The following SPAG16 variants were observed in gnomAD, a reference collection of about 807,000 sequenced individuals.
SPAG16 encodes sperm associated antigen 16.
A neutral mutation model predicts 80.4 loss-of-function variants in SPAG16; 86 were observed. The ratio of observed to expected loss-of-function variants is 1.07; its 90% CI spans 0.90 to 1.28. The LOEUF (loss-of-function observed/expected upper bound fraction) is 1.28. Ranked by LOEUF, SPAG16 falls within the 50% of genes most tolerant of loss-of-function variation. SPAG16 has a pLI of 0.00. For missense variants in SPAG16, 870 were observed against 765.3 expected, an observed-to-expected ratio of 1.14 and a Z score of -1.61; for synonymous variants, 294 against 265.9, an observed-to-expected ratio of 1.11 and a Z score of -1.03.
chr2:213,313,472 A>G (rs2063284094), intron 4 of SPAG16, among the ~76,000 whole-genome samples: 1 of 151,666 alleles, frequency 6.6e-6, no homozygotes, highest in Non-Finnish European at 1.5e-5. Flanking sequence ...TTTCTATTTT[A>G]CGGGTAAGGA....
intron 10 of SPAG16, among the ~76,000 whole-genome samples, chr2:213,775,209 C>T (rs1006465647): frequency 6.6e-6 from 1 of 152,222 alleles, no homozygotes; most frequent in South Asian, 2.1e-4. Flanking sequence ...TTCTTTGCAT[C>T]CTCAGTTCTT....
chr2:214,236,272 A>T (rs1476825249), intron 15 of SPAG16, among the ~76,000 whole-genome samples: 1 of 152,204 alleles, frequency 6.6e-6, no homozygotes, highest in Non-Finnish European at 1.5e-5. Flanking sequence ...AAGCTGCTCA[A>T]GTTTAACACA....
chr2:213,692,000 G>A (rs138580390), intron 10 of SPAG16, among the ~76,000 whole-genome samples: 125 of 152,126 alleles, frequency 8.2e-4, no homozygotes, highest in Middle Eastern at 3.4e-3. Context: ...AAGCCAAAAT[G>A]ATAAATTAAG....
chr2:213,904,703 G>A (rs2077365949), intron 11 of SPAG16, among the ~76,000 whole-genome samples: 1 of 151,784 alleles, frequency 6.6e-6, no homozygotes, highest in Admixed American at 6.6e-5. Context: ...TTTCTGTAAA[G>A]GTCTAAATGA....
intron 11 of SPAG16, among the ~76,000 whole-genome samples, chr2:213,918,220 C>G (rs1168073880): frequency 1.3e-5 from 2 of 152,038 alleles, no homozygotes; most frequent in African/African-American, 4.8e-5. Flanking sequence ...AGATATTGGC[C>G]TGAAATTTTA....
intron 10 of SPAG16, among the ~76,000 whole-genome samples, chr2:213,813,351 C>T (rs1227084996): frequency 3.3e-5 from 5 of 152,016 alleles, no homozygotes; most frequent in Admixed American, 1.3e-4. Flanking sequence ...GAATAGAATC[C>T]CTAGGAGTAC....
At chr2:214,229,639 A>T (rs1201376800) in intron 15 of SPAG16, among the ~76,000 whole-genome samples, 2 of 151,774 alleles carry the variant, frequency 1.3e-5, no homozygotes, top group African/African-American at 4.8e-5. Flanking sequence ...TCAGTTTATT[A>T]AAAAACTATA....
At chr2:213,296,442 C>G (rs1046444106) in intron 2 of SPAG16, among the ~76,000 whole-genome samples, 3 of 152,176 alleles carry the variant, frequency 2.0e-5, no homozygotes, top group African/African-American at 7.2e-5. Flanking sequence ...CTGCTCTTGT[C>G]AAGGATTCCT....
chr2:213,557,430 T>C lies in SPAG16; in HGVS notation c.1070+67340T>C, dbSNP rs544720720. On this transcript the variant is annotated intron_variant, in intron 10 of 15. Transcript: ENST00000331683. Reference sequence around the variant, plus strand: ...ACTACATTTTCATGATGGATAATTATATCTAATTATAATTATATGTGTATA... The same window carrying C: ...ACTACATTTTCATGATGGATAATTACATCTAATTATAATTATATGTGTATA... 2.6e-4 allele frequency among the ~76,000 whole-genome samples: 39 copies of C among 152,124 alleles called. 1 individual carries two copies. The South Asian group carries it at 8.1e-3, about 32-fold the overall frequency.
intron 12 of SPAG16, among the ~76,000 whole-genome samples, chr2:213,984,081 C>A (rs78767391): frequency 0.02 from 3,035 of 152,082 alleles, 107 homozygotes; most frequent in African/African-American, 0.069. Flanking sequence ...TTCCCAATGG[C>A]AAATTGAATG....
intron 10 of SPAG16, among the ~76,000 whole-genome samples, chr2:213,516,691 C>A (rs575336164): frequency 1.8e-4 from 27 of 152,114 alleles, no homozygotes; most frequent in African/African-American, 6.0e-4. Context: ...ATGCAATAAC[C>A]ACATAAGGGG....
intron 10 of SPAG16, among the ~76,000 whole-genome samples, chr2:213,762,063 T>C (rs1575066554): frequency 6.6e-6 from 1 of 152,128 alleles, no homozygotes; most frequent in East Asian, 1.9e-4. Flanking sequence ...AGTCGATCAA[T>C]GAAATACACC....
chr2:214,153,169 G>T (rs887643913), intron 15 of SPAG16, among the ~76,000 whole-genome samples: 1 of 152,004 alleles, frequency 6.6e-6, no homozygotes. Flanking sequence ...GCTAGACCAC[G>T]GTCCGCCTGG....
At chr2:214,366,327 A>C (rs1424337158) in intron 15 of SPAG16, among the ~76,000 whole-genome samples, 1 of 152,136 alleles carries the variant, frequency 6.6e-6, no homozygotes, top group African/African-American at 2.4e-5. Context: ...TGCATGACTG[A>C]TACTGTGACT....
At chr2:213,308,972 GA>G (rs2063070932) in intron 3 of SPAG16, among the ~76,000 whole-genome samples, 1 of 152,106 alleles carries the variant, frequency 6.6e-6, no homozygotes, top group African/African-American at 2.4e-5. Context: ...TTATAAACAT[GA>G]AATTCATTTA....
intron 15 of SPAG16, among the ~76,000 whole-genome samples, chr2:214,187,129 G>A (rs1383751988): frequency 6.6e-6 from 1 of 152,028 alleles, no homozygotes; most frequent in Non-Finnish European, 1.5e-5. Context: ...AACCACTATG[G>A]TAGGACACTA....
intron 13 of SPAG16, among the ~76,000 whole-genome samples, chr2:214,039,157 C>G (rs2048870930): frequency 6.6e-6 from 1 of 152,148 alleles, no homozygotes; most frequent in Admixed American, 6.5e-5. Context: ...ACAGTCCCAC[C>G]AACAGTGTAA....
intron 10 of SPAG16, among the ~76,000 whole-genome samples, chr2:213,714,205 G>A (rs942850407): frequency 6.6e-6 from 1 of 152,132 alleles, no homozygotes; most frequent in Non-Finnish European, 1.5e-5. Context: ...CAAACAACTC[G>A]AGGACAATAT....
At chr2:213,666,614 C>T (rs2063613260) in intron 10 of SPAG16, among the ~76,000 whole-genome samples, 1 of 152,150 alleles carries the variant, frequency 6.6e-6, no homozygotes, top group African/African-American at 2.4e-5. Context: ...TTGCCCTCAC[C>T]CACTTTGATC....
Sources: gnomAD v4.1 joint callset for allele counts (sites outside exome capture counted in the v4.1 genomes callset) on GRCh38, gnomAD v4.1.1 for gene constraint, MANE v1.5 for transcripts, NCBI Gene and HGNC (gene_info 2026-07-23, HGNC 2026-07-21) for gene names.